The following CDC7 variants were observed in gnomAD, a reference collection of about 807,000 sequenced individuals.
CDC7 encodes the protein cell division cycle 7-related protein kinase.
In CDC7, 34 loss-of-function variants were observed where a neutral mutation model predicts 53.5. That is an observed-to-expected ratio of 0.64 (90% CI 0.48 to 0.85). The LOEUF (loss-of-function observed/expected upper bound fraction) is 0.85, where lower values mean the gene tolerates loss of function less well. Among genes scored for constraint, CDC7 ranks in the 40% least tolerant of loss-of-function variants. The pLI, the probability that CDC7 is intolerant of heterozygous loss-of-function variation, is 0.00. For synonymous variants in CDC7, 211 were observed against 222.8 expected, an observed-to-expected ratio of 0.95 and a Z score of 0.47; for missense variants, 594 against 679.7, an observed-to-expected ratio of 0.87 and a Z score of 1.40.
At chr1:91,504,420 AT>A (rs909563505) in intron 2 of CDC7, among the ~76,000 whole-genome samples, 1 of 151,066 alleles carries the variant, frequency 6.6e-6, no homozygotes, top group African/African-American at 2.4e-5. Context: ...GTAAGCTTTT[AT>A]TTTTTTTTAA....
rs148416354 is a variant in CDC7, at chr1:91,501,829, C to A, written c.113C>A (p.Ala38Glu). The change falls in exon 2 of 12, where the codon GCA becomes GAA. Residue 38 changes from alanine (A) to glutamate (E), a missense_variant and splice_region_variant. Coordinates refer to ENST00000234626, the MANE Select transcript of CDC7 (RefSeq NM_003503.4). ...LKKNEQNFKL[A>E]GVKKDIEKLY... ...AAAAACGAGCAGAATTTTAAACTTG[C>A]AGGTACGTGTTTAAATCCAAAGATG... The A allele has an allele frequency of 5.2e-5, 84 of 1,606,818 alleles. No individual in the cohort carries two copies. In the African/African-American group the frequency reaches 1.1e-3, roughly 20 times the overall value.
At position 91,513,266 on chromosome 1, in the gene CDC7, A is replaced by G. The variant is rs1667377251; in HGVS notation, c.781A>G (p.Thr261Ala). Residue 261 changes from threonine (T) to alanine (A), a missense_variant, in exon 7 of 12, where the codon ACA (threonine) becomes GCA (alanine). Physicochemically the swap from Thr to Ala is moderately conservative, Grantham distance 58. Coordinates refer to ENST00000234626, the MANE Select transcript of CDC7 (RefSeq NM_003503.4). ...TTKASVKRPY[T>A]NAQIQIKQGK... ...AAAAGCTTCTGTTAAAAGACCCTAC[A>G]CAAATGCACAAATTCAGATTAAACA... The G allele has an allele frequency of 1.2e-6, 2 of 1,613,538 alleles. No homozygotes were observed. The highest frequency in any genetic ancestry group is 4.5e-5 in the East Asian group (2 of 44,866).
intron 2 of CDC7, among the ~76,000 whole-genome samples, chr1:91,504,702 G>T (rs1292586781): frequency 6.6e-6 from 1 of 152,116 alleles, no homozygotes; most frequent in Non-Finnish European, 1.5e-5. Flanking sequence ...GAGTGTCCCA[G>T]TTTGGGCTTA....
chr1:91,503,229 G>A (rs892812694), intron 2 of CDC7, among the ~76,000 whole-genome samples: 2 of 152,086 alleles, frequency 1.3e-5, no homozygotes, highest in African/African-American at 4.8e-5. Context: ...CAAAAGTTTT[G>A]TAGCGTTTAT....
chr1:91,511,973 A>C, intron 6 of CDC7, 50 bp downstream of exon 6: 1 of 1,359,968 alleles, frequency 7.4e-7, no homozygotes, highest in Non-Finnish European at 1.0e-6. Flanking sequence ...CTTTTAAAAA[A>C]CAATTTTATT....
At chr1:91,515,974 C>A (rs1412149634) in intron 10 of CDC7, 98 bp downstream of exon 10, 2 of 990,818 alleles carry the variant, frequency 2.0e-6, no homozygotes, top group Non-Finnish European at 3.1e-6. Flanking sequence ...TATTTGAGTT[C>A]TTCTGCTTTT....
At chr1:91,510,222 GAA>G (rs34141292) in intron 4 of CDC7, among the ~76,000 whole-genome samples, 1 of 139,860 alleles carries the variant, frequency 7.2e-6, no homozygotes. Context: ...CTGCCTCTGA[GAA>G]AAAAAAAAAA....
intron 2 of CDC7, among the ~76,000 whole-genome samples, chr1:91,504,512 T>C (rs1196630760): frequency 6.6e-6 from 1 of 152,158 alleles, no homozygotes; most frequent in Non-Finnish European, 1.5e-5. Context: ...ATATTGAAAG[T>C]CTCCTCCATA....
chr1:91,501,553 C>G (rs1301051960), intron 1 of CDC7, 101 bp from the exon 2 acceptor site: 1 of 644,980 alleles, frequency 1.6e-6, no homozygotes. Flanking sequence ...TTGGACACAT[C>G]GTGCGTTTGA....
intron 2 of CDC7, among the ~76,000 whole-genome samples, chr1:91,505,678 T>C (rs1399169606): frequency 6.6e-6 from 1 of 152,232 alleles, no homozygotes; most frequent in African/African-American, 2.4e-5. Context: ...TTCCAGCTTT[T>C]GACATGAATG....
chr1:91,508,192 C>CT, intron 3 of CDC7, 70 bp from the exon 4 acceptor site: 2 of 1,254,902 alleles, frequency 1.6e-6, no homozygotes, highest in Non-Finnish European at 2.2e-6. Context: ...TTTTTACAAT[C>CT]TATCTTAGAA....
At chr1:91,509,266 T>C (rs1245001939) in intron 4 of CDC7, among the ~76,000 whole-genome samples, 1 of 151,908 alleles carries the variant, frequency 6.6e-6, no homozygotes, top group Non-Finnish European at 1.5e-5. Context: ...TCAGACCTTT[T>C]ATCTTAACTA....
At chr1:91,510,329 C>G (rs1369593812) in intron 4 of CDC7, among the ~76,000 whole-genome samples, 2 of 151,750 alleles carry the variant, frequency 1.3e-5, no homozygotes, top group Non-Finnish European at 2.9e-5. Flanking sequence ...TTTCAAAGCC[C>G]TTATCGTATT....
At position 91,520,259 on chromosome 1, in the gene CDC7, T is replaced by C. The variant is rs1422604348; in HGVS notation, c.1310T>C (p.Ile437Thr). 6 of 1,601,372 alleles carry C rather than the reference T, an allele frequency of 3.7e-6. No homozygotes were observed. Among genetic ancestry groups the C allele is most frequent in the Admixed American group, 1.7e-5 (1 of 57,592 alleles). ...ACAATTAGGGGATCCAGAGAAACTA[T>C]CCAAGCTGCTAAAACTTTTGGTAAG... is the stretch of plus-strand genomic sequence containing the variant. Reference protein sequence around the residue: ...IMTIRGSRETIQAAKTFGKSI... With the variant: ...IMTIRGSRETTQAAKTFGKSI... Residue 437 changes from isoleucine to threonine, a missense_variant, in exon 11 of 12, where the codon ATC (isoleucine) becomes ACC (threonine). By Grantham distance (89) the Ile-to-Thr change is moderately conservative. Coordinates refer to ENST00000234626, the MANE Select transcript of CDC7 (RefSeq NM_003503.4).
In CDC7 at chr1:91,504,928, G is replaced by A. The variant is rs72954973; in HGVS notation, c.116-2926G>A. 1.6e-3 allele frequency among the ~76,000 whole-genome samples: 244 copies of A among 152,220 alleles called. 2 individuals carry two copies. Among genetic ancestry groups the A allele is most frequent in the African/African-American group, 5.7e-3 (238 of 41,534 alleles). The stretch of plus-strand genomic sequence containing the variant: ...ACCATAAAACAGAAATTAACACTGT[G>A]GTAGTTAGACAATAGACAGAGAGTA... On this transcript the variant is annotated intron_variant, in intron 2 of 11. Coordinates refer to ENST00000234626, the MANE Select transcript of CDC7 (RefSeq NM_003503.4).
chr1:91,501,175 G>C (rs1474657527), intron 1 of CDC7: 1 of 152,322 alleles, frequency 6.6e-6, no homozygotes, highest in Non-Finnish European at 1.5e-5. Context: ...AGCGCTGGCC[G>C]GCGGATTCCC....
chr1:91,525,416 G>A lies in CDC7; in HGVS notation c.*981G>A, dbSNP rs963713572. On this transcript the variant is annotated 3_prime_UTR_variant, in exon 12 of 12. Coordinates refer to ENST00000234626, the MANE Select transcript of CDC7 (RefSeq NM_003503.4). ...TTTGACTAAGTCTTAGGTGGGTTGGGAAGACAGATAATGAAGTAGGCAAAG... is the reference window on the plus strand; with the variant it reads ...TTTGACTAAGTCTTAGGTGGGTTGGAAAGACAGATAATGAAGTAGGCAAAG... 1.3e-5 allele frequency: 2 copies of A among 151,466 alleles called. No homozygotes were observed. Among genetic ancestry groups the A allele is most frequent in the South Asian group, 2.1e-4 (1 of 4,784 alleles). The allele number at this position is 151,466 out of a possible 1,614,324, so 9.4% of individuals were successfully genotyped here.
Position 91,515,902 on chromosome 1 carries a change from C to T in CDC7, c.1180+26C>T, listed in dbSNP as rs139834449. ...GTATGTTGTACTGGAAATACAGAAC[C>T]TAGTTAAAATGGATTGTTCCAGACG... is the stretch of plus-strand genomic sequence containing the variant. On this transcript the variant is annotated intron_variant, in intron 10 of 11. Transcript: ENST00000234626. 24 of 1,550,464 alleles carry T rather than the reference C, an allele frequency of 1.5e-5. No homozygotes were observed. In the East Asian group the frequency reaches 5.4e-4, roughly 35 times the overall value.
intron 2 of CDC7, among the ~76,000 whole-genome samples, chr1:91,504,627 G>A (rs1666886915): frequency 1.3e-5 from 2 of 152,138 alleles, no homozygotes; most frequent in Admixed American, 6.5e-5. Context: ...TTGTTTGCCT[G>A]GGACAGATCT....
Sources: gnomAD v4.1 joint callset for allele counts (sites outside exome capture counted in the v4.1 genomes callset) on GRCh38, gnomAD v4.1.1 for gene constraint, MANE v1.5 for transcripts, NCBI Gene and HGNC (gene_info 2026-07-23, HGNC 2026-07-21) for gene names.